Variants in ANKRD36C observed in about 807,000 individuals in gnomAD.
ANKRD36C encodes ankyrin repeat domain 36C, also known as ankyrin repeat domain-containing protein 36C.
A neutral mutation model predicts 276.4 loss-of-function variants in ANKRD36C; 61 were observed. The ratio of observed to expected loss-of-function variants is 0.22; its 90% CI spans 0.18 to 0.27. The LOEUF (loss-of-function observed/expected upper bound fraction) is 0.27. ANKRD36C is among the 10% of genes least tolerant of loss of function. The probability of loss-of-function intolerance (pLI) is 1.00; values close to 1 mark genes in which losing one functional copy is unlikely to be tolerated. For missense variants in ANKRD36C, 1,447 were observed against 2,032.3 expected, an observed-to-expected ratio of 0.71 and a Z score of 5.54; for synonymous variants, 483 against 680.1, an observed-to-expected ratio of 0.71 and a Z score of 4.51.
At chr2:95,946,918 G>T (rs1423766299) in intron 17 of ANKRD36C, among the ~76,000 whole-genome samples, 1 of 145,880 alleles carries the variant, frequency 6.9e-6, no homozygotes, top group Non-Finnish European at 1.5e-5. Context: ...TGGGGTGGGG[G>T]TAGGGGGGAG....
intron 59 of ANKRD36C, among the ~76,000 whole-genome samples, chr2:95,871,320 G>A (rs1319135722): frequency 2.6e-5 from 4 of 152,206 alleles, no homozygotes; most frequent in Admixed American, 1.3e-4. Context: ...TGGATCTCTC[G>A]GCAGAAACTC....
At chr2:95,924,801 T>A (rs1458909173) in intron 30 of ANKRD36C, among the ~76,000 whole-genome samples, 2 of 151,636 alleles carry the variant, frequency 1.3e-5, no homozygotes, top group Non-Finnish European at 3.0e-5. Context: ...TCTAAATGCA[T>A]CTGAAGTGAG....
chr2:95,939,637 G>A (rs1573786092), intron 20 of ANKRD36C, among the ~76,000 whole-genome samples: 1 of 111,606 alleles, frequency 9.0e-6, no homozygotes. Flanking sequence ...TCCGGGAGGT[G>A]GAGTTCGCAG....
At chr2:95,912,419 T>G in exon 41 of ANKRD36C, 1 of 1,604,504 alleles carries the variant, frequency 6.2e-7, no homozygotes, top group South Asian at 1.1e-5. Flanking sequence ...TCAAGGCTGG[T>G]TTTTTCCGAG....
intron 6 of ANKRD36C, among the ~76,000 whole-genome samples, chr2:95,977,761 G>T (rs1486521524): frequency 6.6e-6 from 1 of 152,002 alleles, no homozygotes; most frequent in Non-Finnish European, 1.5e-5. Flanking sequence ...TAATTGCAAA[G>T]AATTTATTTT....
At chr2:95,963,991 ATATATATATATATATATATATATG>A (rs1558658730) in intron 6 of ANKRD36C, among the ~76,000 whole-genome samples, 793 of 26,260 alleles carry the variant, frequency 0.03, 17 homozygotes, top group Admixed American at 0.051. Flanking sequence ...ATATATATAT[ATATATATATATATATATATATATG>A]TGTGTGTGTG....
intron 44 of ANKRD36C, among the ~76,000 whole-genome samples, chr2:95,896,598 TC>T (rs1328873630): frequency 6.8e-6 from 1 of 147,214 alleles, no homozygotes; most frequent in Non-Finnish European, 1.5e-5. Context: ...CTCTGATGCC[TC>T]CTAGTAACCA....
At position 95,925,228 on chromosome 2, in the gene ANKRD36C, C is replaced by T. The variant is rs1573771796; in HGVS notation, c.2041+124G>A. ...ACCACCTGACAACTTACTAGAAATG[C>T]ACAATCTCAGGCCTGCTTAATCAGA... On this transcript the variant is annotated intron_variant, in intron 30 of 66. Transcript: ENST00000456556. 8 of 1,467,032 alleles carry T rather than the reference C, an allele frequency of 5.5e-6. No homozygotes were observed. The East Asian group carries it at 1.2e-4, about 23-fold the overall frequency. The allele number at this position is 1,467,032 out of a possible 1,614,324, so 90.9% of individuals were successfully genotyped here. A position where few individuals can be genotyped will look rare whatever the true frequency, so the allele number is the denominator to read the frequency against.
intron 44 of ANKRD36C, among the ~76,000 whole-genome samples, chr2:95,894,564 T>A (rs1676479854): frequency 6.6e-6 from 1 of 151,426 alleles, no homozygotes; most frequent in African/African-American, 2.4e-5. Context: ...ATAATTTTTG[T>A]CTCTAAAAGA....
At position 95,853,767 on chromosome 2, in the gene ANKRD36C, A is replaced by G. The variant is rs532692379; in HGVS notation, c.5090T>C (p.Ile1697Thr). Reference sequence around the variant, plus strand: ...ATCCTGCATCCCATTTTCTAAATAGATGCAGTGACGCGATGAAGCATCCAG... The same window carrying G: ...ATCCTGCATCCCATTTTCTAAATAGGTGCAGTGACGCGATGAAGCATCCAG... Residue 1697 changes from isoleucine to threonine, a missense_variant, in exon 64 of 67, where the codon ATC (isoleucine) becomes ACC (threonine). Ile to Thr is a moderately conservative substitution (Grantham distance 89). Transcript: ENST00000456556. The G allele has an allele frequency of 1.7e-4, 275 of 1,602,628 alleles. No individual in the cohort carries two copies. The African/African-American group carries it at 3.1e-3, about 18-fold the overall frequency.
intron 4 of ANKRD36C, among the ~76,000 whole-genome samples, chr2:95,981,130 T>C (rs898173536): frequency 6.6e-6 from 1 of 152,022 alleles, no homozygotes; most frequent in Admixed American, 6.6e-5. Context: ...TACATTATAA[T>C]GCAAAATCAG....
At chr2:95,915,213 C>A (rs1161435461) in intron 38 of ANKRD36C, among the ~76,000 whole-genome samples, 3 of 151,492 alleles carry the variant, frequency 2.0e-5, no homozygotes, top group Non-Finnish European at 1.5e-5. Flanking sequence ...GCTATTTTAT[C>A]CAAGAGGTAG....
At chr2:95,860,174 C>T (rs1272555633) in intron 60 of ANKRD36C, 100 bp from the exon 81 acceptor site, 1 of 909,698 alleles carries the variant, frequency 1.1e-6, no homozygotes, top group Non-Finnish European at 1.7e-6. Context: ...ATATGTTGAA[C>T]AAGTATGTAC....
At chr2:95,880,243 T>C in intron 58 of ANKRD36C, among the ~76,000 whole-genome samples, 184 bp downstream of exon 78, 1 of 152,202 alleles carries the variant, frequency 6.6e-6, no homozygotes, top group East Asian at 1.9e-4. Flanking sequence ...GTTTTAAAAA[T>C]ATATTTTCCT....
chr2:95,911,223 T>G (rs535438735), intron 42 of ANKRD36C, among the ~76,000 whole-genome samples: 1 of 151,564 alleles, frequency 6.6e-6, no homozygotes, highest in East Asian at 2.0e-4. Context: ...CTTCATCCAC[T>G]CATGGCACCA....
chr2:95,971,227 G>C (rs1312689667), intron 6 of ANKRD36C, among the ~76,000 whole-genome samples: 1 of 151,608 alleles, frequency 6.6e-6, no homozygotes, highest in Non-Finnish European at 1.5e-5. Flanking sequence ...AAATTTCAGG[G>C]CAGTGAAAGT....
At chr2:95,916,866 C>T (rs181758341) in intron 36 of ANKRD36C, among the ~76,000 whole-genome samples, 6 of 151,738 alleles carry the variant, frequency 4.0e-5, no homozygotes, top group Admixed American at 3.3e-4. Flanking sequence ...ATAAAAATAT[C>T]ATCAATTATC....
At chr2:95,914,328 T>A in intron 38 of ANKRD36C, 25 bp from the exon 41 acceptor site, 7 of 1,546,458 alleles carry the variant, frequency 4.5e-6, no homozygotes, top group Non-Finnish European at 6.1e-6. Context: ...GGATTCATAA[T>A]CACTCATATG....
At chr2:95,885,964 A>G in intron 52 of ANKRD36C, 84 bp downstream of exon 72, 63 of 1,557,518 alleles carry the variant, frequency 4.0e-5, no homozygotes, top group Middle Eastern at 1.7e-4. Context: ...TAAAGCTTCA[A>G]TGAACCCCCC....
Sources: gnomAD v4.1 joint callset for allele counts (sites outside exome capture counted in the v4.1 genomes callset) on GRCh38, gnomAD v4.1.1 for gene constraint, MANE v1.5 for transcripts, NCBI Gene and HGNC (gene_info 2026-07-23, HGNC 2026-07-21) for gene names.